ARHGEF7: variants seen among roughly 807,000 people sequenced by gnomAD.
ARHGEF7 encodes PAK-interacting exchange factor beta.
In ARHGEF7, 33 loss-of-function variants were observed where a neutral mutation model predicts 109.8. The ratio of observed to expected loss-of-function variants is 0.30; its 90% CI spans 0.23 to 0.40. The LOEUF (loss-of-function observed/expected upper bound fraction) is 0.40, where lower values mean the gene tolerates loss of function less well. Among genes scored for constraint, ARHGEF7 ranks in the 10% least tolerant of loss-of-function variants. The probability of loss-of-function intolerance (pLI) is 1.00; values close to 1 mark genes in which losing one functional copy is unlikely to be tolerated. For synonymous variants in ARHGEF7, 458 were observed against 424.6 expected (o/e 1.08, Z -0.97); for missense variants, 938 against 1,098.5 (o/e 0.85, Z 2.07).
chr13:111,233,878 G>A (rs1263066210), intron 6 of ARHGEF7, among the ~76,000 whole-genome samples: 4 of 152,156 alleles, frequency 2.6e-5, no homozygotes, highest in African/African-American at 4.8e-5. Context: ...TAAATCAAAT[G>A]TATAGTCTCA....
At chr13:111,160,653 GAAAA>G (rs200617119) in intron 2 of ARHGEF7, among the ~76,000 whole-genome samples, 1 of 149,822 alleles carries the variant, frequency 6.7e-6, no homozygotes, top group Non-Finnish European at 1.5e-5. Context: ...TTTCTACAAA[GAAAA>G]AAAAAATCTA....
intron 5 of ARHGEF7, among the ~76,000 whole-genome samples, chr13:111,230,208 T>C (rs1164272): frequency 0.99 from 150,824 of 152,292 alleles, 74,699 homozygotes; most frequent in East Asian, 1. Flanking sequence ...CAGTCAGCCC[T>C]TGGAAAGGTA....
intron 2 of ARHGEF7, among the ~76,000 whole-genome samples, chr13:111,166,332 G>A (rs2077124963): frequency 6.6e-6 from 1 of 152,182 alleles, no homozygotes; most frequent in African/African-American, 2.4e-5. Context: ...TGGTCCTGTA[G>A]GTCCTGTCTT....
At chr13:111,221,324 T>TATATAGAC (rs2083967160) in intron 5 of ARHGEF7, among the ~76,000 whole-genome samples, 1 of 20,278 alleles carries the variant, frequency 4.9e-5, no homozygotes, top group Non-Finnish European at 9.6e-5. Context: ...TATATAGATA[T>TATATAGAC]ATATGTCTAT....
chr13:111,217,265 A>G (rs2083260349), intron 4 of ARHGEF7, among the ~76,000 whole-genome samples: 1 of 152,258 alleles, frequency 6.6e-6, no homozygotes, highest in Non-Finnish European at 1.5e-5. Flanking sequence ...ATAATCTAAA[A>G]ATCCACTAAT....
intron 8 of ARHGEF7, among the ~76,000 whole-genome samples, chr13:111,265,271 A>G (rs1418191290): frequency 1.3e-5 from 2 of 152,206 alleles, no homozygotes; most frequent in East Asian, 1.9e-4. Context: ...TATAGGACGT[A>G]CTGATAACAG....
intron 17 of ARHGEF7, among the ~76,000 whole-genome samples, chr13:111,287,014 C>T (rs1036242432): frequency 2.0e-4 from 31 of 152,192 alleles, no homozygotes; most frequent in Non-Finnish European, 8.8e-5. Context: ...TCACTTCCTC[C>T]AGCCTCAGGA....
At chr13:111,298,890 G>A (rs752411929) in intron 19 of ARHGEF7, among the ~76,000 whole-genome samples, 18 of 152,224 alleles carry the variant, frequency 1.2e-4, no homozygotes, top group Non-Finnish European at 1.5e-5. Context: ...AGGTGTGCCA[G>A]CCATGGCTTG....
chr13:111,153,973 G>A lies in ARHGEF7; in HGVS notation c.234G>A (p.Gly78=). Residue 78 remains glycine (G), a synonymous_variant, in exon 2 of 22, where the codon GGG becomes GGA. Coordinates refer to ENST00000646102, the MANE Select transcript of ARHGEF7 (RefSeq NM_001354046.2). Reference sequence around the variant, plus strand: ...TCCGCGAGTTCCTGCGCGGCTGCGGGGCTTCCCTGCGGCTGGAGGTGAGCG... The same window carrying A: ...TCCGCGAGTTCCTGCGCGGCTGCGGAGCTTCCCTGCGGCTGGAGGTGAGCG... ...SNIREFLRGC[G]ASLRLETFDA... 6.2e-7 allele frequency: 1 copy of A among 1,603,380 alleles called. No individual in the cohort carries two copies. Among genetic ancestry groups the A allele is most frequent in the Non-Finnish European group, 8.5e-7 (1 of 1,176,784 alleles).
chr13:111,115,437 C>A lies in ARHGEF7; in HGVS notation c.-90C>A. ...GGCGCCGGCCGCTCGATGGGCGAGG[C>A]GGCGGCGGCGGCGGCGGGGGCCGCG... On this transcript the variant is annotated 5_prime_UTR_variant, in exon 1 of 22. Coordinates refer to ENST00000646102, the MANE Select transcript of ARHGEF7 (RefSeq NM_001354046.2). 1 of 787,622 alleles carries A rather than the reference C, an allele frequency of 1.3e-6. No homozygotes were observed. Among genetic ancestry groups the A allele is most frequent in the Non-Finnish European group, 1.5e-6 (1 of 652,106 alleles). 48.8% of individuals were successfully genotyped at this position (787,622 alleles called of 1,614,324 possible).
At chr13:111,241,376 C>T (rs765072487) in intron 6 of ARHGEF7, 3 of 1,532,968 alleles carry the variant, frequency 2.0e-6, no homozygotes, top group Middle Eastern at 1.7e-4. Context: ...GTCAGGAAGG[C>T]CAGCAACCTC....
chr13:111,291,342 G>A (rs2093273281), intron 18 of ARHGEF7, among the ~76,000 whole-genome samples: 1 of 152,224 alleles, frequency 6.6e-6, no homozygotes, highest in Non-Finnish European at 1.5e-5. Context: ...TTTAACACTG[G>A]GACGTTGCCA....
Position 111,303,583 on chromosome 13 carries a change from G to C in ARHGEF7, c.*470G>C, listed in dbSNP as rs2093611480. 1 of 152,428 alleles carries C rather than the reference G, an allele frequency of 6.6e-6. No homozygotes were observed. Among genetic ancestry groups the C allele is most frequent in the African/African-American group, 2.4e-5 (1 of 41,444 alleles). The allele number at this position is 152,428 out of a possible 1,614,324, so 9.4% of individuals were successfully genotyped here. A position where few individuals can be genotyped will look rare whatever the true frequency, so the allele number is the denominator to read the frequency against. ...CATCCACCGGAAGCAGAAGCCTGGT[G>C]GATGCCTGGTTCGTTCCGCAGCACC... On this transcript the variant is annotated 3_prime_UTR_variant, in exon 22 of 22. Coordinates refer to ENST00000646102, the MANE Select transcript of ARHGEF7 (RefSeq NM_001354046.2).
rs67771833 is a variant in ARHGEF7, at chr13:111,258,088, G to A, written c.951-9460G>A. On this transcript the variant is annotated intron_variant, in intron 8 of 21. Coordinates refer to ENST00000646102, the MANE Select transcript of ARHGEF7 (RefSeq NM_001354046.2). This position sits in a 1 kb window ranked among gnomAD's most constrained non-coding sequence, Gnocchi z 4.4. The stretch of plus-strand genomic sequence containing the variant: ...CCTGCAACCTAGTGAGACCTCAGCC[G>A]GGGCAGCCAAGGGAGGCCTTGCACC... Among the ~76,000 whole-genome samples, 20,230 of 152,198 alleles carry A rather than the reference G, an allele frequency of 0.13. 1,368 individuals are homozygous for A. The highest frequency in any genetic ancestry group is 0.22 in the South Asian group (1,063 of 4,822).
chr13:111,153,744 C>A lies in ARHGEF7; in HGVS notation c.166-161C>A. 9 of 1,339,606 alleles carry A rather than the reference C, an allele frequency of 6.7e-6. 1 individual carries two copies. In the South Asian group the frequency reaches 1.7e-4, roughly 25 times the overall value. The allele number at this position is 1,339,606 out of a possible 1,614,324, so 83.0% of individuals were successfully genotyped here. ...AGGGTGAGGAGAAGCAGCGGCTGAG[C>A]GGGTTGGCATCTGGGGCAGCGGGCT... On this transcript the variant is annotated intron_variant, in intron 1 of 21. Coordinates refer to ENST00000646102, the MANE Select transcript of ARHGEF7 (RefSeq NM_001354046.2).
In ARHGEF7 at chr13:111,243,422, CTT is replaced by C. The variant is rs375428783; in HGVS notation, c.760-449_760-448del. Among the ~76,000 whole-genome samples the C allele has an allele frequency of 4.0e-3, 602 of 152,348 alleles. 5 individuals carry two copies. Among genetic ancestry groups the C allele is most frequent in the African/African-American group, 0.014 (582 of 41,578 alleles). ...CACGCCCCCATCCTACCCTTCACCT[CTT>C]CTCTGATTTCTGTCACCATAGATTA... On this transcript the variant is annotated intron_variant, in intron 6 of 21. Transcript: ENST00000646102.
At chr13:111,165,137 C>T (rs573768505) in intron 2 of ARHGEF7, among the ~76,000 whole-genome samples, 10 of 152,260 alleles carry the variant, frequency 6.6e-5, no homozygotes, top group South Asian at 2.1e-4. Context: ...ACTCACATTA[C>T]GTCTAACTAG....
intron 5 of ARHGEF7, among the ~76,000 whole-genome samples, chr13:111,227,332 T>G (rs2085344243): frequency 6.6e-6 from 1 of 152,138 alleles, no homozygotes; most frequent in Non-Finnish European, 1.5e-5. Context: ...AAAGGAAGAA[T>G]CAGTTGATAC....
rs186076859 is a variant in ARHGEF7, at chr13:111,136,710, C to A, written c.166-17195C>A. Among the ~76,000 whole-genome samples, 488 of 152,300 alleles carry A rather than the reference C, an allele frequency of 3.2e-3. 1 individual carries two copies. Among genetic ancestry groups the A allele is most frequent in the African/African-American group, 0.011 (460 of 41,560 alleles). ...CTAGAGAAGCAAGAGCAAACACATT[C>A]AAAAGCTAGCAGAAGGCAAGAAATA... On this transcript the variant is annotated intron_variant, in intron 1 of 21. Transcript: ENST00000646102.
Sources: allele counts gnomAD v4.1 joint callset (sites outside exome capture counted in the v4.1 genomes callset), GRCh38; gene constraint gnomAD v4.1.1; non-coding constraint Gnocchi (gnomAD v3.1); transcripts MANE v1.5; gene names NCBI Gene and HGNC (gene_info 2026-07-23, HGNC 2026-07-21).